The following PDE9A variants were observed in gnomAD, a reference collection of about 807,000 sequenced individuals.
PDE9A encodes the protein phosphodiesterase 9A.
Under a neutral mutation model 87.4 loss-of-function variants are expected in PDE9A, and 60 were observed. That is an observed-to-expected ratio of 0.69 (90% CI 0.56 to 0.85). PDE9A has a LOEUF of 0.85. Ranked by LOEUF, PDE9A falls within the 40% of genes least tolerant of loss-of-function variation. The pLI is 0.00. For missense variants in PDE9A, 665 were observed against 779.0 expected, an observed-to-expected ratio of 0.85 and a Z score of 1.74; for synonymous variants, 272 against 279.4, an observed-to-expected ratio of 0.97 and a Z score of 0.27.
At position 42,765,452 on chromosome 21, in the gene PDE9A, A is replaced by G; in HGVS notation, c.1314A>G (p.Lys438=). The G allele has an allele frequency of 6.2e-7, 1 of 1,612,864 alleles. No homozygotes were observed. Among genetic ancestry groups the G allele is most frequent in the Non-Finnish European group, 8.5e-7 (1 of 1,178,854 alleles). ...AAATTATGGATTCTTTCAAAGAGAA[A>G]ATGGAGAATTTTGACTACAGCAACG... ...HAEIMDSFKE[K]MENFDYSNEE... The change falls in exon 15 of 20, where the codon AAA becomes AAG. Residue 438 remains lysine (K), a synonymous_variant. Coordinates refer to ENST00000291539, the MANE Select transcript of PDE9A (RefSeq NM_002606.3).
chr21:42,744,331 C>T (rs1003689313), intron 8 of PDE9A, among the ~76,000 whole-genome samples: 3 of 151,910 alleles, frequency 2.0e-5, no homozygotes, highest in Admixed American at 6.5e-5. Context: ...CCAGCCTGGG[C>T]TCGACAGAGC....
At chr21:42,665,362 G>T (rs532976829) in intron 1 of PDE9A, among the ~76,000 whole-genome samples, 4 of 152,292 alleles carry the variant, frequency 2.6e-5, no homozygotes, top group Admixed American at 6.5e-5. Flanking sequence ...GGGTTGCCTT[G>T]TCCACCCCCA....
At chr21:42,654,016 C>A in intron 1 of PDE9A, 133 bp downstream of exon 1, 2 of 224,376 alleles carry the variant, frequency 8.9e-6, no homozygotes, top group South Asian at 9.7e-5. Flanking sequence ...CAGCTCTGGT[C>A]GGGGGCGGGG....
intron 16 of PDE9A, 57 bp from the exon 17 acceptor site, chr21:42,768,970 G>T (rs2056653355): frequency 1.9e-6 from 3 of 1,543,900 alleles, no homozygotes; most frequent in Non-Finnish European, 2.6e-6. Flanking sequence ...TGAGAACAGC[G>T]ATCTGGTTAT....
rs185588411 is a variant in PDE9A at position 42,659,389 on chromosome 21, T to C, written c.69+5506T>C. ...CCATAGAGTGGTGGGGACATGGTGC[T>C]GAGACGGACAGCCTCGCCTCATCCG... On this transcript the variant is annotated intron_variant, in intron 1 of 19. Coordinates refer to ENST00000291539, the MANE Select transcript of PDE9A (RefSeq NM_002606.3). This position sits in a 1 kb window ranked among gnomAD's most constrained non-coding sequence, Gnocchi z 4.1. Among the ~76,000 whole-genome samples, 586 of 152,354 alleles carry C rather than the reference T, an allele frequency of 3.8e-3. 2 individuals carry two copies. The highest frequency in any genetic ancestry group is 0.013 in the African/African-American group (554 of 41,586).
intron 4 of PDE9A, among the ~76,000 whole-genome samples, chr21:42,712,377 C>T (rs548942312): frequency 3.3e-5 from 5 of 152,166 alleles, no homozygotes; most frequent in African/African-American, 1.2e-4. Context: ...GCGTTGGATC[C>T]TGTGAATTTG....
chr21:42,768,056 G>A, intron 15 of PDE9A, 132 bp from the exon 16 acceptor site: 1 of 648,104 alleles, frequency 1.5e-6, no homozygotes, highest in Non-Finnish European at 2.8e-6. Context: ...CCTGAAGGCA[G>A]CCAAGCTCAG....
chr21:42,670,325 T>C (rs538895096), intron 1 of PDE9A, among the ~76,000 whole-genome samples: 10 of 71,198 alleles, frequency 1.4e-4, no homozygotes, highest in Admixed American at 7.9e-4. Context: ...CACACTCACA[T>C]TCACACACAT....
chr21:42,670,235 T>TTA (rs879687747), intron 1 of PDE9A, among the ~76,000 whole-genome samples: 29,285 of 126,698 alleles, frequency 0.23, 2,993 homozygotes, highest in East Asian at 0.39. Flanking sequence ...ACACTTACAT[T>TTA]CACACTCATA....
chr21:42,720,474 A>G (rs2050391931), intron 4 of PDE9A, among the ~76,000 whole-genome samples: 1 of 152,142 alleles, frequency 6.6e-6, no homozygotes. Flanking sequence ...AGCCTGGGCA[A>G]CAAGAGCAAA....
intron 4 of PDE9A, among the ~76,000 whole-genome samples, chr21:42,716,747 C>CTATT (rs767862350): frequency 1.1e-5 from 1 of 94,256 alleles, no homozygotes; most frequent in Non-Finnish European, 1.9e-5. Context: ...TTATAATTTC[C>CTATT]TTTTTTTTTT....
In PDE9A at chr21:42,667,827, G is replaced by T. The variant is rs117014787; in HGVS notation, c.69+13944G>T. Among the ~76,000 whole-genome samples, 235 of 152,022 alleles carry T rather than the reference G, an allele frequency of 1.5e-3. 2 individuals carry two copies. The East Asian group carries it at 0.043, about 27-fold the overall frequency. On this transcript the variant is annotated intron_variant, in intron 1 of 19. Transcript: ENST00000291539. ...CTGCAGTCCTGACTGGGACCCACTT[G>T]GCCCTTCTCAAGGGACCCAGCACAG...
At chr21:42,698,142 ATTTT>A (rs1289888468) in intron 3 of PDE9A, among the ~76,000 whole-genome samples, 2 of 152,114 alleles carry the variant, frequency 1.3e-5, no homozygotes, top group Non-Finnish European at 2.9e-5. Context: ...GAGACAAAGG[ATTTT>A]AACTGGTGTT....
chr21:42,675,901 T>C lies in PDE9A; in HGVS notation c.70-10291T>C, dbSNP rs2058821286. Among the ~76,000 whole-genome samples, 1 of 152,140 alleles carries C rather than the reference T, an allele frequency of 6.6e-6. No individual in the cohort carries two copies. The highest frequency in any genetic ancestry group is 2.4e-5 in the African/African-American group (1 of 41,430). ...TGAATTGGTATCCTCAGTGTTGGAG[T>C]GGGGCCTGGTGGGAGGTGACTGGAT... On this transcript the variant is annotated intron_variant, in intron 1 of 19. Coordinates refer to ENST00000291539, the MANE Select transcript of PDE9A (RefSeq NM_002606.3). This position sits in a 1 kb window ranked among gnomAD's most constrained non-coding sequence, Gnocchi z 4.3.
chr21:42,677,286 C>A (rs139495806), intron 1 of PDE9A, among the ~76,000 whole-genome samples: 1 of 152,170 alleles, frequency 6.6e-6, no homozygotes, highest in Non-Finnish European at 1.5e-5. Flanking sequence ...CCGATGTAAG[C>A]GATAACAGCA....
At chr21:42,714,146 G>A (rs2049611056) in intron 4 of PDE9A, among the ~76,000 whole-genome samples, 1 of 150,402 alleles carries the variant, frequency 6.6e-6, no homozygotes, top group African/African-American at 2.4e-5. Context: ...AGCCTCCCAA[G>A]TAGCTGGGAC....
At chr21:42,754,287 G>A (rs971426071) in intron 10 of PDE9A, among the ~76,000 whole-genome samples, 2 of 152,204 alleles carry the variant, frequency 1.3e-5, no homozygotes, top group Non-Finnish European at 2.9e-5. Context: ...TTCTGTGAGT[G>A]GGGGAGACGG....
intron 7 of PDE9A, among the ~76,000 whole-genome samples, chr21:42,738,224 G>GT (rs1397009718): frequency 1.3e-5 from 2 of 152,216 alleles, no homozygotes; most frequent in Admixed American, 1.3e-4. Context: ...CTGGGGCAAA[G>GT]TTTAACACAG....
Position 42,723,227 on chromosome 21 carries a change from G to C in PDE9A, c.263-8543G>C. On this transcript the variant is annotated intron_variant, in intron 4 of 19. Coordinates refer to ENST00000291539, the MANE Select transcript of PDE9A (RefSeq NM_002606.3). This position sits in a 1 kb window ranked among gnomAD's most constrained non-coding sequence, Gnocchi z 4.3. The stretch of plus-strand genomic sequence containing the variant: ...CTGCTGCAAACCCATGGCCCAAAGC[G>C]GACCTGATCCGGCAGCATCTAAAAA... Among the ~76,000 whole-genome samples, 1 of 152,370 alleles carries C rather than the reference G, an allele frequency of 6.6e-6. No homozygotes were observed. The highest frequency in any genetic ancestry group is 1.9e-4 in the East Asian group (1 of 5,190).
Sources: allele counts gnomAD v4.1 joint callset (sites outside exome capture counted in the v4.1 genomes callset), GRCh38; gene constraint gnomAD v4.1.1; non-coding constraint Gnocchi (gnomAD v3.1); transcripts MANE v1.5; gene names NCBI Gene and HGNC (gene_info 2026-07-23, HGNC 2026-07-21).